GOLM2: variants seen among roughly 807,000 people sequenced by gnomAD.
GOLM2 encodes protein GOLM2.
Under a neutral mutation model 55.9 loss-of-function variants are expected in GOLM2, and 26 were observed. That is an observed-to-expected ratio of 0.47 (90% CI 0.34 to 0.65). The LOEUF is 0.65. Among genes scored for constraint, GOLM2 ranks in the 30% least tolerant of loss-of-function variants. The pLI is 0.01. For synonymous variants in GOLM2, 165 were observed against 194.6 expected, an observed-to-expected ratio of 0.85 and a Z score of 1.27; for missense variants, 486 against 531.8, an observed-to-expected ratio of 0.91 and a Z score of 0.85.
rs774396610 is a variant in GOLM2, at chr15:44,288,996, G to T, written c.-34G>T. ...GGGCTTCTGCCTGCAGGTGTCTGCG[G>T]CGAGGCCCCTAGGGTACAGCCCGAT... On this transcript the variant is annotated 5_prime_UTR_variant, in exon 1 of 10. Transcript: ENST00000299957. The T allele has an allele frequency of 6.4e-7, 1 of 1,570,182 alleles. No individual in the cohort carries two copies. Among genetic ancestry groups the T allele is most frequent in the East Asian group, 2.3e-5 (1 of 44,422 alleles).
rs1055712668 is a variant in GOLM2, at chr15:44,407,764, CTTTT to C, written c.1240+4711_1240+4714del. 9.5e-5 allele frequency among the ~76,000 whole-genome samples: 14 copies of C among 146,762 alleles called. No homozygotes were observed. The East Asian group carries it at 1.2e-3, about 13-fold the overall frequency. ...GCACCCAGGCGATAGAGCTTTCTTT[CTTTT>C]ATCTTTTTTTTTTTTTTTTGTCGCC... On this transcript the variant is annotated intron_variant, in intron 9 of 9. Transcript: ENST00000299957.
intron 6 of GOLM2, among the ~76,000 whole-genome samples, chr15:44,360,523 C>T (rs1429940023): frequency 1.3e-5 from 2 of 152,134 alleles, no homozygotes; most frequent in African/African-American, 4.8e-5. Flanking sequence ...TATATATGCA[C>T]CCAGTACAGG....
intron 8 of GOLM2, among the ~76,000 whole-genome samples, chr15:44,392,490 G>A (rs1470293782): frequency 6.6e-6 from 1 of 151,952 alleles, no homozygotes; most frequent in Non-Finnish European, 1.5e-5. Flanking sequence ...GGGTGCGGTG[G>A]TGCGCACATA....
intron 1 of GOLM2, among the ~76,000 whole-genome samples, chr15:44,314,992 A>G (rs2078899363): frequency 6.6e-6 from 1 of 152,224 alleles, no homozygotes; most frequent in Non-Finnish European, 1.5e-5. Context: ...TTCCATTTTG[A>G]TCCAGCTGGT....
intron 9 of GOLM2, among the ~76,000 whole-genome samples, chr15:44,407,118 ATATT>A (rs900361853): frequency 1.4e-5 from 2 of 146,508 alleles, no homozygotes; most frequent in Non-Finnish European, 3.0e-5. Flanking sequence ...TATTTATAAT[ATATT>A]TATATAGATA....
intron 8 of GOLM2, among the ~76,000 whole-genome samples, chr15:44,386,607 A>C (rs1272807292): frequency 6.6e-6 from 1 of 152,232 alleles, no homozygotes; most frequent in African/African-American, 2.4e-5. Context: ...ACAGTAGCTC[A>C]CACCTATAAT....
intron 2 of GOLM2, 73 bp downstream of exon 2, chr15:44,323,092 T>C (rs1030927245): frequency 1.0e-6 from 1 of 969,054 alleles, no homozygotes; most frequent in Non-Finnish European, 1.5e-6. Context: ...AATTAAGAAA[T>C]AGTAAATTAG....
intron 1 of GOLM2, among the ~76,000 whole-genome samples, chr15:44,304,326 C>G (rs2078821218): frequency 6.8e-6 from 1 of 147,950 alleles, no homozygotes. Flanking sequence ...ACTGCAGCCT[C>G]CGCCTCACAG....
chr15:44,388,633 C>T (rs2079465339), intron 8 of GOLM2, among the ~76,000 whole-genome samples: 2 of 152,120 alleles, frequency 1.3e-5, no homozygotes, highest in South Asian at 4.1e-4. Flanking sequence ...ATGATCGTGC[C>T]ACTGCACTCC....
chr15:44,375,509 G>T (rs1466030748), intron 6 of GOLM2, among the ~76,000 whole-genome samples: 1 of 152,188 alleles, frequency 6.6e-6, no homozygotes, highest in Non-Finnish European at 1.5e-5. Context: ...GGGCACAGTG[G>T]CTCATGCCTA....
At chr15:44,389,155 T>C (rs2079470359) in intron 8 of GOLM2, among the ~76,000 whole-genome samples, 1 of 152,168 alleles carries the variant, frequency 6.6e-6, no homozygotes, top group Admixed American at 6.5e-5. Flanking sequence ...CTTTATAGTT[T>C]TCTTCTTTTT....
chr15:44,395,140 A>C (rs1299229561), intron 8 of GOLM2, among the ~76,000 whole-genome samples: 2 of 150,220 alleles, frequency 1.3e-5, no homozygotes, highest in Middle Eastern at 3.2e-3. Context: ...CTCTCCAAGG[A>C]GCTGGGACTA....
chr15:44,379,491 A>T (rs1035713365), intron 6 of GOLM2, among the ~76,000 whole-genome samples, 199 bp from the exon 7 acceptor site: 6 of 152,266 alleles, frequency 3.9e-5, no homozygotes, highest in African/African-American at 1.4e-4. Flanking sequence ...ACCAAAAAAA[A>T]AAATTCTGTG....
Position 44,323,031 on chromosome 15 carries a change from A to C in GOLM2, c.382+12A>C, listed in dbSNP as rs2078961561. 2 of 1,539,872 alleles carry C rather than the reference A, an allele frequency of 1.3e-6. No homozygotes were observed. Among genetic ancestry groups the C allele is most frequent in the South Asian group, 2.6e-5 (2 of 78,034 alleles). On this transcript the variant is annotated intron_variant, in intron 2 of 9. Coordinates refer to ENST00000299957, the MANE Select transcript of GOLM2 (RefSeq NM_138423.4). ...ACATCATTTAAAGGGTAAGAACCTT[A>C]ATTCCAGATTAAAGATAAACCAAGG...
chr15:44,338,183 T>G, intron 5 of GOLM2, 54 bp from the exon 6 acceptor site: 1 of 1,534,068 alleles, frequency 6.5e-7, no homozygotes, highest in Non-Finnish European at 9.0e-7. Context: ...TTCAAAACAT[T>G]TTCAAATTAT....
At chr15:44,335,826 T>G (rs1254832308) in intron 4 of GOLM2, among the ~76,000 whole-genome samples, 1 of 150,948 alleles carries the variant, frequency 6.6e-6, no homozygotes, top group Non-Finnish European at 1.5e-5. Context: ...TTTTTTTTTT[T>G]TTTTCTGAGA....
chr15:44,289,333 G>C lies in GOLM2; in HGVS notation c.304G>C (p.Gly102Arg), dbSNP rs769669887. 1.9e-6 allele frequency: 3 copies of C among 1,612,756 alleles called. No homozygotes were observed. Among genetic ancestry groups the C allele is most frequent in the Non-Finnish European group, 8.5e-7 (1 of 1,179,530 alleles). The part of the protein sequence containing the change: ...SSRLQAREGL[G>R]KRCEDDKVKL... ...CCGGCTGCAGGCCAGAGAGGGCCTC[G>C]GGAAGAGATGCGAGGATGACAAGGT... is the stretch of plus-strand genomic sequence containing the variant. Residue 102 changes from glycine (G) to arginine (R), a missense_variant, in exon 1 of 10, where the codon GGG becomes CGG. Coordinates refer to ENST00000299957, the MANE Select transcript of GOLM2 (RefSeq NM_138423.4). This position sits in a 1 kb window ranked among gnomAD's most constrained non-coding sequence, Gnocchi z 4.8.
chr15:44,387,006 C>T (rs920066553), intron 8 of GOLM2, among the ~76,000 whole-genome samples: 2 of 151,926 alleles, frequency 1.3e-5, no homozygotes, highest in South Asian at 4.1e-4. Flanking sequence ...AAAACCCTGT[C>T]TCTACAAAAA....
At chr15:44,311,652 T>TTGTG (rs371395923) in intron 1 of GOLM2, among the ~76,000 whole-genome samples, 1,717 of 150,042 alleles carry the variant, frequency 0.011, 43 homozygotes, top group African/African-American at 0.04. Flanking sequence ...AGGATTGCTT[T>TTGTG]TGTGTGTGTG....
Sources: gnomAD v4.1 joint callset for allele counts (sites outside exome capture counted in the v4.1 genomes callset) on GRCh38, gnomAD v4.1.1 for gene constraint, Gnocchi (gnomAD v3.1) non-coding constraint, MANE v1.5 for transcripts, NCBI Gene and HGNC (gene_info 2026-07-23, HGNC 2026-07-21) for gene names.